The following MEF2C variants were observed in gnomAD, a reference collection of about 807,000 sequenced individuals.
MEF2C encodes the protein myocyte-specific enhancer factor 2C.
MEF2C carries 6 observed loss-of-function variants against 50.5 expected under a neutral mutation model. That is an observed-to-expected ratio of 0.12 (90% CI 0.07 to 0.23). MEF2C has a LOEUF of 0.23. MEF2C is among the 10% of genes least tolerant of loss of function. The pLI is 1.00. For missense variants in MEF2C, 276 were observed against 605.0 expected (o/e 0.46, Z 5.70); for synonymous variants, 183 against 228.0 (o/e 0.80, Z 1.78).
At chr5:88,848,621 C>A (rs1820150928) in intron 1 of MEF2C, among the ~76,000 whole-genome samples, 1 of 152,038 alleles carries the variant, frequency 6.6e-6, no homozygotes, top group Non-Finnish European at 1.5e-5. Flanking sequence ...CTGGGGTAAG[C>A]ACATTATAAA....
At chr5:88,804,134 G>C (rs4521516) in intron 3 of MEF2C, among the ~76,000 whole-genome samples, 22,426 of 152,146 alleles carry the variant, frequency 0.15, 1,812 homozygotes, top group East Asian at 0.33. Flanking sequence ...ACAAAGAAGA[G>C]ACATAAATCG....
At chr5:88,851,283 A>G (rs1054501543) in intron 1 of MEF2C, among the ~76,000 whole-genome samples, 3 of 151,810 alleles carry the variant, frequency 2.0e-5, no homozygotes, top group African/African-American at 7.3e-5. Flanking sequence ...ATAACACACA[A>G]AGTATGTGTT....
intron 2 of MEF2C, among the ~76,000 whole-genome samples, chr5:88,811,780 G>A (rs967254723): frequency 1.3e-5 from 2 of 152,080 alleles, no homozygotes; most frequent in African/African-American, 2.4e-5. Flanking sequence ...TGATAAAACA[G>A]CAAATTCACA....
chr5:88,895,750 C>T (rs1835052874), intron 1 of MEF2C, among the ~76,000 whole-genome samples: 1 of 152,148 alleles, frequency 6.6e-6, no homozygotes, highest in Non-Finnish European at 1.5e-5. Context: ...GTGCTTCTTT[C>T]TCCTCTGGGC....
intron 3 of MEF2C, chr5:88,771,486 T>C (rs1782408173): frequency 2.0e-6 from 2 of 985,430 alleles, no homozygotes; most frequent in Middle Eastern, 1.0e-3. Context: ...ACCTGTACAG[T>C]CCTTGACCTC....
chr5:88,814,055 T>C (rs1804138462), intron 2 of MEF2C, among the ~76,000 whole-genome samples: 3 of 152,070 alleles, frequency 2.0e-5, no homozygotes, highest in Admixed American at 2.0e-4. Flanking sequence ...CACTCTGTAA[T>C]CCAGGAGCCA....
intron 3 of MEF2C, among the ~76,000 whole-genome samples, chr5:88,767,670 T>C (rs1780622858): frequency 6.6e-6 from 1 of 152,212 alleles, no homozygotes; most frequent in South Asian, 2.1e-4. Context: ...GTCATTGTTT[T>C]TATTTTTATA....
intron 6 of MEF2C, chr5:88,738,422 A>G (rs1278241877): frequency 1.0e-6 from 1 of 960,972 alleles, no homozygotes; most frequent in Non-Finnish European, 1.2e-6. Flanking sequence ...AGCACTTTTA[A>G]TCTTCACAAG....
At chr5:88,804,917 G>A (rs1215602883) in intron 2 of MEF2C, 116 bp from the exon 3 acceptor site, 5 of 700,714 alleles carry the variant, frequency 7.1e-6, no homozygotes, top group South Asian at 5.9e-5. Context: ...CAGAGCCCTG[G>A]GCACTAACAC....
chr5:88,893,892 A>G (rs1393156966), intron 1 of MEF2C, among the ~76,000 whole-genome samples: 1 of 152,344 alleles, frequency 6.6e-6, no homozygotes, highest in East Asian at 1.9e-4. Flanking sequence ...TGATTGAGTC[A>G]AAGACTCAAA....
intron 6 of MEF2C, chr5:88,734,205 T>A: frequency 1.0e-6 from 1 of 985,272 alleles, no homozygotes; most frequent in Non-Finnish European, 1.2e-6. Flanking sequence ...AACATCAAGG[T>A]CAATTCTGCT....
chr5:88,749,213 A>G, intron 5 of MEF2C, 96 bp from the exon 6 acceptor site: 1 of 1,339,652 alleles, frequency 7.5e-7, no homozygotes, highest in Non-Finnish European at 9.9e-7. Context: ...GTCCTCTTGC[A>G]ATAGTCATAA....
chr5:88,722,687 T>C lies in MEF2C; in HGVS notation c.1339A>G (p.Ile447Val), dbSNP rs1756753374. 4 of 1,613,858 alleles carry C rather than the reference T, an allele frequency of 2.5e-6. No individual in the cohort carries two copies. The highest frequency in any genetic ancestry group is 3.4e-6 in the Non-Finnish European group (4 of 1,179,868). Residue 447 changes from isoleucine to valine, a missense_variant, in exon 11 of 11, where the codon ATT becomes GTT. Ile to Val is a conservative substitution (Grantham distance 29). Transcript: ENST00000504921. Reference sequence around the variant, plus strand: ...TCCGGCGAAGGTCTGGTGAGTCCAATGGGGGAGTGGAATTCGTTCCGGTGA... The same window carrying C: ...TCCGGCGAAGGTCTGGTGAGTCCAACGGGGGAGTGGAATTCGTTCCGGTGA... ...EDHRNEFHSPIGLTRPSPDER... is the reference protein window; with the variant it reads ...EDHRNEFHSPVGLTRPSPDER...
Position 88,795,297 on chromosome 5 carries a change from G to T in MEF2C, c.258+9301C>A, listed in dbSNP as rs78822742. 4.6e-5 allele frequency among the ~76,000 whole-genome samples: 7 copies of T among 152,232 alleles called. 1 individual carries two copies. Among genetic ancestry groups the T allele is most frequent in the African/African-American group, 1.7e-4 (7 of 41,546 alleles). On this transcript the variant is annotated intron_variant, in intron 3 of 10. Coordinates refer to ENST00000504921, the MANE Select transcript of MEF2C (RefSeq NM_002397.5). ...GTGAGCATGGAGTGTTTTTCCGTTT[G>T]TTTGTGTCCTCTCTTATTTCTTTGG... is the stretch of plus-strand genomic sequence containing the variant.
chr5:88,836,562 C>T (rs1279458516), intron 1 of MEF2C, among the ~76,000 whole-genome samples: 2 of 152,174 alleles, frequency 1.3e-5, no homozygotes, highest in East Asian at 1.9e-4. Context: ...TGTTCTCAGA[C>T]GAGCAAAATG....
At chr5:88,812,115 T>C (rs891690620) in intron 2 of MEF2C, among the ~76,000 whole-genome samples, 2 of 152,170 alleles carry the variant, frequency 1.3e-5, no homozygotes, top group African/African-American at 4.8e-5. Flanking sequence ...TGAAACATAC[T>C]GTAAAAGACT....
At chr5:88,775,717 C>T (rs1784441033) in intron 3 of MEF2C, 1 of 683,014 alleles carries the variant, frequency 1.5e-6, no homozygotes, top group South Asian at 6.5e-5. Context: ...TTTCCCATGA[C>T]TGCATATATT....
intron 3 of MEF2C, among the ~76,000 whole-genome samples, chr5:88,787,920 C>G (rs967975248): frequency 2.6e-5 from 4 of 152,272 alleles, no homozygotes; most frequent in Admixed American, 2.6e-4. Context: ...TCAGTGATCC[C>G]TCCATTTTCT....
Position 88,787,272 on chromosome 5 carries a change from A to C in MEF2C, c.258+17326T>G, listed in dbSNP as rs1279304534. Among the ~76,000 whole-genome samples, 4 of 152,240 alleles carry C rather than the reference A, an allele frequency of 2.6e-5. No homozygotes were observed. In the East Asian group the frequency reaches 7.7e-4, roughly 29 times the overall value. On this transcript the variant is annotated intron_variant, in intron 3 of 10. Transcript: ENST00000504921. ...GCATAAACTATGCAGTCGTAAATTAAGAATTTTTGTCTTTCTTTTGGTTAG... is the reference window on the plus strand; with the variant it reads ...GCATAAACTATGCAGTCGTAAATTACGAATTTTTGTCTTTCTTTTGGTTAG...
Sources: gnomAD v4.1 joint callset for allele counts (sites outside exome capture counted in the v4.1 genomes callset) on GRCh38, gnomAD v4.1.1 for gene constraint, MANE v1.5 for transcripts, NCBI Gene and HGNC (gene_info 2026-07-23, HGNC 2026-07-21) for gene names.